The following DEDD2 variants were observed in gnomAD, a reference collection of about 807,000 sequenced individuals.
The protein encoded by DEDD2 is death effector domain containing 2.
A neutral mutation model predicts 28.9 loss-of-function variants in DEDD2; 18 were observed. The observed-to-expected ratio is 0.62, with a 90% CI of 0.43 to 0.92. DEDD2 has a LOEUF of 0.92. Among genes scored for constraint, DEDD2 ranks in the 40% least tolerant of loss-of-function variants. The pLI, the probability that DEDD2 is intolerant of heterozygous loss-of-function variation, is 0.00. For missense variants in DEDD2, 411 were observed against 463.3 expected (o/e 0.89, Z 1.04); for synonymous variants, 211 against 206.1 (o/e 1.02, Z -0.20).
rs762915436 is a variant in DEDD2 at position 42,199,827 on chromosome 19, T to C, written c.592A>G (p.Ile198Val). 8.2e-6 allele frequency: 13 copies of C among 1,587,826 alleles called. No individual in the cohort carries two copies. The South Asian group carries it at 1.4e-4, about 17-fold the overall frequency. Reference protein sequence around the residue: ...PSSEGKVTCDIRLRVRAEYCE... With the variant: ...PSSEGKVTCDVRLRVRAEYCE... ...TACTCTGCTCGAACCCGGAGCCGGATGTCTGCAGGGGAAGGAGGGATTTGT... is the reference window on the plus strand; with the variant it reads ...TACTCTGCTCGAACCCGGAGCCGGACGTCTGCAGGGGAAGGAGGGATTTGT... The change falls in exon 5 of 5, where the codon ATC becomes GTC. Residue 198 changes from isoleucine to valine, a missense_variant and splice_region_variant. By Grantham distance (29) the Ile-to-Val change is conservative. Transcript: ENST00000596251. This position sits in a 1 kb window ranked among gnomAD's most constrained non-coding sequence, Gnocchi z 7.4.
chr19:42,216,629 A>G (rs927780610), intron 2 of DEDD2, 51 bp downstream of exon 2: 1 of 1,484,692 alleles, frequency 6.7e-7, no homozygotes, highest in South Asian at 1.3e-5. Flanking sequence ...GCCCAGCGGG[A>G]GCCAGGCCCT....
At chr19:42,213,342 C>T (rs2035840215) in intron 3 of DEDD2, among the ~76,000 whole-genome samples, 3 of 152,318 alleles carry the variant, frequency 2.0e-5, no homozygotes, top group South Asian at 4.1e-4. Context: ...TCAGGCAAAG[C>T]TCATAGATGT....
At chr19:42,208,018 AC>A (rs1369869168) in intron 4 of DEDD2, among the ~76,000 whole-genome samples, 2 of 151,952 alleles carry the variant, frequency 1.3e-5, no homozygotes, top group African/African-American at 4.8e-5. Flanking sequence ...CTCCCTGCAC[AC>A]CCCAGAGCCC....
chr19:42,216,413 G>C (rs2035970039), intron 2 of DEDD2, among the ~76,000 whole-genome samples: 1 of 152,240 alleles, frequency 6.6e-6, no homozygotes, highest in Non-Finnish European at 1.5e-5. Flanking sequence ...TAAGGCACTA[G>C]TTCATATGAA....
intron 4 of DEDD2, among the ~76,000 whole-genome samples, chr19:42,207,033 C>A (rs1211907046): frequency 6.6e-6 from 1 of 152,176 alleles, no homozygotes; most frequent in Admixed American, 6.5e-5. Context: ...CCTGAAGCCT[C>A]CCTTGGCCTG....
upstream of DEDD2, among the ~76,000 whole-genome samples, chr19:42,219,785 TTAAC>T (rs2036098060): frequency 6.6e-6 from 1 of 152,146 alleles, no homozygotes; most frequent in Non-Finnish European, 1.5e-5. Context: ...GGAAAGCAAT[TTAAC>T]AAACTGTGAA....
rs746634434 is a variant in DEDD2 at position 42,216,809 on chromosome 19, C to G, written c.199G>C (p.Glu67Gln). ...GGLARARSGLELLLELERRGQ... is the reference protein window; with the variant it reads ...GGLARARSGLQLLLELERRGQ... ...CGGCGCTCCAGCTCCAGCAGGAGCT[C>G]TAGGCCGCTGCGGGCCCGGGCTAAG... The change falls in exon 2 of 5, where the codon GAG (glutamate) becomes CAG (glutamine). Residue 67 changes from glutamate (E) to glutamine (Q), a missense_variant. Coordinates refer to ENST00000596251, the MANE Select transcript of DEDD2 (RefSeq NM_133328.4). The G allele has an allele frequency of 6.3e-7, 1 of 1,583,654 alleles. No homozygotes were observed. The highest frequency in any genetic ancestry group is 2.3e-5 in the East Asian group (1 of 42,952).
chr19:42,219,967 G>A (rs1357963467), upstream of DEDD2: 5 of 152,176 alleles, frequency 3.3e-5, no homozygotes, highest in South Asian at 2.1e-4. Context: ...CAAGTGTGTC[G>A]GGCTCTAAAG....
chr19:42,200,155 A>G (rs2035274944), intron 4 of DEDD2, among the ~76,000 whole-genome samples: 1 of 151,876 alleles, frequency 6.6e-6, no homozygotes, highest in Non-Finnish European at 1.5e-5. Flanking sequence ...AGGCCAACCT[A>G]TTTACAGCTG....
chr19:42,210,479 C>T (rs1279428348), intron 3 of DEDD2, among the ~76,000 whole-genome samples: 2 of 152,044 alleles, frequency 1.3e-5, no homozygotes, highest in East Asian at 2.0e-4. Context: ...CTGCAATCTC[C>T]GCCTCCCGGG....
rs1410778176 is a variant in DEDD2, at chr19:42,199,746, G to A, written c.673C>T (p.Leu225=). 3 of 1,612,984 alleles carry A rather than the reference G, an allele frequency of 1.9e-6. No homozygotes were observed. Among genetic ancestry groups the A allele is most frequent in the Non-Finnish European group, 2.5e-6 (3 of 1,179,496 alleles). ...CCAAACACGTCCAGCTGCCGCGCCA[G>A]CGCCTGGGGCCGCCGGGATGCCACG... ...QGVASRRPQA[L]ARQLDVFGQA... Residue 225 remains leucine (L), a synonymous_variant, in exon 5 of 5, where the codon CTG becomes TTG. Coordinates refer to ENST00000596251, the MANE Select transcript of DEDD2 (RefSeq NM_133328.4). This position sits in a 1 kb window ranked among gnomAD's most constrained non-coding sequence, Gnocchi z 7.4.
chr19:42,203,269 G>A (rs2035403436), intron 4 of DEDD2, among the ~76,000 whole-genome samples: 1 of 152,162 alleles, frequency 6.6e-6, no homozygotes, highest in Non-Finnish European at 1.5e-5. Flanking sequence ...GAGAAAATTA[G>A]ACAGGGCGAG....
At chr19:42,215,770 T>C (rs1241247173) in intron 2 of DEDD2, among the ~76,000 whole-genome samples, 1 of 152,126 alleles carries the variant, frequency 6.6e-6, no homozygotes, top group Non-Finnish European at 1.5e-5. Context: ...AGACAAAGGC[T>C]TGGTCTATTC....
rs967336253 is a variant in DEDD2 at position 42,199,441 on chromosome 19, G to A, written c.978C>T (p.Ser326=). The A allele has an allele frequency of 1.2e-6, 2 of 1,600,440 alleles. No homozygotes were observed. Among genetic ancestry groups the A allele is most frequent in the African/African-American group, 2.7e-5 (2 of 74,572 alleles). ...EEGGRRPTEA[S] ...GATCAATCCTGCCAGTCCTGGATCA[G>A]GAGGCCTCTGTCGGGCGCCGCCCCC... Residue 326 remains serine, a synonymous_variant, in exon 5 of 5, where the codon TCC becomes TCT. Transcript: ENST00000596251. This position sits in a 1 kb window ranked among gnomAD's most constrained non-coding sequence, Gnocchi z 7.4.
chr19:42,216,623 A>G, intron 2 of DEDD2, 57 bp downstream of exon 2: 1 of 1,473,182 alleles, frequency 6.8e-7, no homozygotes, highest in Non-Finnish European at 9.0e-7. Flanking sequence ...AGGGAGGCCC[A>G]GCGGGAGCCA....
In DEDD2 at chr19:42,199,884, G is replaced by T; in HGVS notation, c.590-55C>A. ...GGGGGCCAACACTAGACACACTTAT[G>T]GGGAACGCCACCCTTCCTCCCTCCA... On this transcript the variant is annotated intron_variant, in intron 4 of 4. Coordinates refer to ENST00000596251, the MANE Select transcript of DEDD2 (RefSeq NM_133328.4). This position sits in a 1 kb window ranked among gnomAD's most constrained non-coding sequence, Gnocchi z 7.4. The T allele has an allele frequency of 1.3e-6, 2 of 1,509,454 alleles. No individual in the cohort carries two copies. Among genetic ancestry groups the T allele is most frequent in the South Asian group, 2.6e-5 (2 of 77,928 alleles). 93.5% of individuals were successfully genotyped at this position (1,509,454 alleles called of 1,614,324 possible).
At chr19:42,203,574 G>C (rs975090627) in intron 4 of DEDD2, among the ~76,000 whole-genome samples, 1 of 152,172 alleles carries the variant, frequency 6.6e-6, no homozygotes, top group Non-Finnish European at 1.5e-5. Flanking sequence ...CAAGATTCTA[G>C]GGCCTCTGGA....
At chr19:42,205,245 A>G (rs2035485191) in intron 4 of DEDD2, among the ~76,000 whole-genome samples, 1 of 152,220 alleles carries the variant, frequency 6.6e-6, no homozygotes, top group South Asian at 2.1e-4. Flanking sequence ...GAGACTTCAG[A>G]GAACCTACAT....
Position 42,216,701 on chromosome 19 carries a change from C to T in DEDD2, c.307G>A (p.Ala103Thr), listed in dbSNP as rs1386716693. 3 of 1,583,650 alleles carry T rather than the reference C, an allele frequency of 1.9e-6. No homozygotes were observed. Among genetic ancestry groups the T allele is most frequent in the Non-Finnish European group, 2.6e-6 (3 of 1,169,548 alleles). Residue 103 changes from alanine to threonine, a missense_variant, in exon 2 of 5, where the codon GCG becomes ACG. Ala to Thr is a moderately conservative substitution (Grantham distance 58, BLOSUM62 0). This residue lies in a region of DEDD2 where 282 missense variants were observed against 273.4 expected (regional missense o/e 1.03). Coordinates refer to ENST00000596251, the MANE Select transcript of DEDD2 (RefSeq NM_133328.4). ...GTACCTGGCCGGCGCCGCTTGCGCG[C>T]CAGGTGCGGCAGCAGGTCGTGGCGG... ...LARHDLLPHL[A>T]RKRRRPVSPE...
Sources: gnomAD v4.1 joint callset for allele counts (sites outside exome capture counted in the v4.1 genomes callset) on GRCh38, gnomAD v4.1.1 for gene constraint, gnomAD v4.1.1 regional missense constraint, Gnocchi (gnomAD v3.1) non-coding constraint, MANE v1.5 for transcripts, NCBI Gene and HGNC (gene_info 2026-07-23, HGNC 2026-07-21) for gene names.